Variants in BACH2 observed in about 807,000 individuals in gnomAD.
BACH2 encodes the protein transcription regulator protein BACH2.
A neutral mutation model predicts 61.8 loss-of-function variants in BACH2; 5 were observed. The observed-to-expected ratio is 0.08, with a 90% confidence interval of 0.04 to 0.17. The LOEUF (loss-of-function observed/expected upper bound fraction) is 0.17, where lower values mean the gene tolerates loss of function less well. Ranked by LOEUF, BACH2 falls within the 10% of genes least tolerant of loss-of-function variation. The pLI is 1.00. For synonymous variants in BACH2, 446 were observed against 440.1 expected (o/e 1.01, Z -0.17); for missense variants, 824 against 1,091.1 (o/e 0.76, Z 3.45).
chr6:90,005,980 AGATTTTTGTGC>A (rs1216679624), intron 6 of BACH2, among the ~76,000 whole-genome samples: 2 of 152,210 alleles, frequency 1.3e-5, no homozygotes, highest in Middle Eastern at 3.2e-3. Context: ...AAGGCCAAAT[AGATTTTTGTGC>A]GATGTCTATA....
rs569445095 is a variant in BACH2 at position 90,184,526 on chromosome 6, T to C, written c.-162+22043A>G. Among the ~76,000 whole-genome samples the C allele has an allele frequency of 3.3e-5, 5 of 152,326 alleles. No homozygotes were observed. In the South Asian group the frequency reaches 8.3e-4, roughly 25 times the overall value. On this transcript the variant is annotated intron_variant, in intron 4 of 8. Coordinates refer to ENST00000257749, the MANE Select transcript of BACH2 (RefSeq NM_021813.4). The stretch of plus-strand genomic sequence containing the variant: ...TGCCACTCACCCAGACTGGACTTTC[T>C]ACTCTGATGCTCCACAAGAAACAGA...
At chr6:89,991,959 TTTTG>T (rs566256346) in intron 6 of BACH2, among the ~76,000 whole-genome samples, 122 of 152,328 alleles carry the variant, frequency 8.0e-4, no homozygotes, top group African/African-American at 2.7e-3. Context: ...GTGAGTTCAT[TTTTG>T]TTTGTTTTAA....
chr6:90,185,327 A>G (rs938371432), intron 4 of BACH2, among the ~76,000 whole-genome samples: 35 of 152,200 alleles, frequency 2.3e-4, no homozygotes, highest in African/African-American at 7.7e-4. Flanking sequence ...CTGGATTCTC[A>G]ATTTTCCAAT....
At chr6:89,935,074 A>G (rs896108304) in intron 8 of BACH2, among the ~76,000 whole-genome samples, 1 of 152,174 alleles carries the variant, frequency 6.6e-6, no homozygotes, top group African/African-American at 2.4e-5. Flanking sequence ...CGAGTTTGCA[A>G]CAGCTGAGTG....
chr6:90,170,349 A>G (rs892846839), intron 4 of BACH2, among the ~76,000 whole-genome samples: 1 of 152,200 alleles, frequency 6.6e-6, no homozygotes, highest in Non-Finnish European at 1.5e-5. Flanking sequence ...CCTTTTCAAC[A>G]TACTATACAC....
At chr6:90,028,565 A>G (rs992221730) in intron 5 of BACH2, among the ~76,000 whole-genome samples, 7 of 152,030 alleles carry the variant, frequency 4.6e-5, no homozygotes, top group Non-Finnish European at 7.4e-5. Context: ...CATCTGAACC[A>G]TGACCACAAT....
intron 4 of BACH2, among the ~76,000 whole-genome samples, chr6:90,188,223 T>C (rs1768428679): frequency 6.6e-6 from 1 of 152,250 alleles, no homozygotes; most frequent in African/African-American, 2.4e-5. Flanking sequence ...AAAGTTTAAT[T>C]ATCTACATTT....
chr6:90,065,071 T>C (rs1224743424), intron 5 of BACH2, among the ~76,000 whole-genome samples: 1 of 150,818 alleles, frequency 6.6e-6, no homozygotes, highest in Non-Finnish European at 1.5e-5. Context: ...GGCTTAGCCA[T>C]AGGACTTGCT....
At chr6:89,944,655 C>A (rs977328098) in intron 7 of BACH2, among the ~76,000 whole-genome samples, 1 of 151,994 alleles carries the variant, frequency 6.6e-6, no homozygotes, top group African/African-American at 2.4e-5. Flanking sequence ...TCCATGTTTT[C>A]TCTGGACTTT....
chr6:89,992,689 A>G (rs573888618), intron 6 of BACH2, among the ~76,000 whole-genome samples: 1 of 152,248 alleles, frequency 6.6e-6, no homozygotes, highest in South Asian at 2.1e-4. Flanking sequence ...AAACAAAGAA[A>G]TTACTCCACA....
chr6:90,160,377 C>T (rs978436984), intron 4 of BACH2, among the ~76,000 whole-genome samples: 1 of 152,188 alleles, frequency 6.6e-6, no homozygotes, highest in Non-Finnish European at 1.5e-5. Context: ...GAGCTGGATC[C>T]TGTGATGCAG....
chr6:90,094,490 A>G (rs1453201033), intron 4 of BACH2, among the ~76,000 whole-genome samples: 1 of 152,204 alleles, frequency 6.6e-6, no homozygotes, highest in Non-Finnish European at 1.5e-5. Flanking sequence ...CCTGTTGTCA[A>G]TTCTCTCCTA....
rs539799229 is a variant in BACH2 at position 89,934,380 on chromosome 6, C to A, written c.2044-1490G>T. ...ACCATCAACATTTGTGAGAAGGGGG[C>A]TGGGCATGGTGGGTCATGCCTGTAA... is the stretch of plus-strand genomic sequence containing the variant. On this transcript the variant is annotated intron_variant, in intron 8 of 8. Coordinates refer to ENST00000257749, the MANE Select transcript of BACH2 (RefSeq NM_021813.4). 1.1e-4 allele frequency among the ~76,000 whole-genome samples: 16 copies of A among 152,282 alleles called. No homozygotes were observed. The South Asian group carries it at 3.3e-3, about 32-fold the overall frequency.
In BACH2 at chr6:90,131,634, C is replaced by T. The variant is rs187887681; in HGVS notation, c.-161-42525G>A. 2.0e-3 allele frequency among the ~76,000 whole-genome samples: 300 copies of T among 152,328 alleles called. 4 individuals carry two copies. The South Asian group carries it at 0.03, about 15-fold the overall frequency. On this transcript the variant is annotated intron_variant, in intron 4 of 8. Transcript: ENST00000257749. ...TTTTTCTACACATGAGCTCACCCTT[C>T]AAATACCACATTTATGTCCATTTTT...
At chr6:90,217,617 T>C (rs206917) in intron 3 of BACH2, among the ~76,000 whole-genome samples, 12,579 of 152,166 alleles carry the variant, frequency 0.083, 1,686 homozygotes, top group African/African-American at 0.28. Context: ...ATTTAGATAA[T>C]CTACTCACTA....
chr6:90,084,538 GTT>G (rs58667089), intron 5 of BACH2, among the ~76,000 whole-genome samples: 4,597 of 138,668 alleles, frequency 0.033, 229 homozygotes, highest in African/African-American at 0.12. Flanking sequence ...TTTAATTCCA[GTT>G]TTTTTTTTTT....
intron 1 of BACH2, among the ~76,000 whole-genome samples, chr6:90,276,139 T>C (rs1405723456): frequency 1.3e-5 from 2 of 152,176 alleles, no homozygotes; most frequent in African/African-American, 2.4e-5. Context: ...ACCACAGCAA[T>C]ACATGTGTAA....
intron 6 of BACH2, among the ~76,000 whole-genome samples, chr6:89,981,583 T>C (rs1444207487): frequency 6.6e-6 from 1 of 152,174 alleles, no homozygotes; most frequent in East Asian, 1.9e-4. Context: ...TATGGCTCCT[T>C]ATTTAAGCAT....
At chr6:90,149,118 G>A (rs1784723228) in intron 4 of BACH2, among the ~76,000 whole-genome samples, 2 of 152,358 alleles carry the variant, frequency 1.3e-5, no homozygotes, top group Admixed American at 1.3e-4. Flanking sequence ...GCGGATGTAT[G>A]ATTTGAGAGT....
Sources: allele counts gnomAD v4.1 joint callset (sites outside exome capture counted in the v4.1 genomes callset), GRCh38; gene constraint gnomAD v4.1.1; transcripts MANE v1.5; gene names NCBI Gene and HGNC (gene_info 2026-07-23, HGNC 2026-07-21).